The following CNBD1 variants were observed in gnomAD, a reference collection of about 807,000 sequenced individuals.
CNBD1 encodes cyclic nucleotide-binding domain-containing protein 1.
In CNBD1, 71 loss-of-function variants were observed where a neutral mutation model predicts 54.4. The ratio of observed to expected loss-of-function variants is 1.30; its 90% confidence interval spans 1.08 to 1.59. The LOEUF (loss-of-function observed/expected upper bound fraction) is 1.59, where lower values mean the gene tolerates loss of function less well. CNBD1 is among the 40% of genes most tolerant of loss of function. CNBD1 has a pLI of 0.00. For synonymous variants in CNBD1, 182 were observed against 170.7 expected, an observed-to-expected ratio of 1.07 and a Z score of -0.51; for missense variants, 659 against 518.0, an observed-to-expected ratio of 1.27 and a Z score of -2.64.
At chr8:86,998,294 A>G (rs1808922096) in intron 4 of CNBD1, among the ~76,000 whole-genome samples, 3 of 151,754 alleles carry the variant, frequency 2.0e-5, no homozygotes, top group Admixed American at 2.0e-4. Flanking sequence ...AATTAAGTTT[A>G]TGTAATGCAT....
At chr8:87,416,354 C>T (rs181051030) in intron 2 of CNBD1, among the ~76,000 whole-genome samples, 2 of 152,116 alleles carry the variant, frequency 1.3e-5, no homozygotes, top group African/African-American at 2.4e-5. Context: ...TGCAAATTAA[C>T]CAAGGCTTGC....
chr8:87,324,732 G>T (rs951737969), intron 8 of CNBD1, among the ~76,000 whole-genome samples: 7 of 150,210 alleles, frequency 4.7e-5, no homozygotes, highest in Non-Finnish European at 1.5e-5. Context: ...TATCAATTTT[G>T]TTGATCCTTT....
At chr8:87,363,576 G>A (rs544761672) in intron 10 of CNBD1, among the ~76,000 whole-genome samples, 65 of 152,074 alleles carry the variant, frequency 4.3e-4, no homozygotes, top group African/African-American at 1.5e-3. Flanking sequence ...ATCTCATTGT[G>A]GTTTTGATTT....
At chr8:87,371,627 A>C (rs1270793700) in intron 10 of CNBD1, among the ~76,000 whole-genome samples, 1 of 152,028 alleles carries the variant, frequency 6.6e-6, no homozygotes, top group Admixed American at 6.6e-5. Flanking sequence ...CACATCAAAA[A>C]GCTTATCCAC....
chr8:87,130,539 G>A (rs2130725776), intron 4 of CNBD1, among the ~76,000 whole-genome samples: 1 of 152,206 alleles, frequency 6.6e-6, no homozygotes, highest in East Asian at 1.9e-4. Flanking sequence ...CACTTTGGGA[G>A]GCCAAGATAG....
At chr8:87,145,754 A>G (rs547251059) in intron 4 of CNBD1, among the ~76,000 whole-genome samples, 4 of 152,240 alleles carry the variant, frequency 2.6e-5, no homozygotes, top group East Asian at 1.9e-4. Flanking sequence ...ACAGAACACT[A>G]TAGAGAAGGG....
chr8:87,372,778 T>G (rs1246086976), intron 10 of CNBD1, among the ~76,000 whole-genome samples: 1 of 151,830 alleles, frequency 6.6e-6, no homozygotes, highest in African/African-American at 2.4e-5. Context: ...ATATGGCAAA[T>G]TTTCACTAGA....
chr8:87,190,267 A>G (rs1225151678), intron 4 of CNBD1, among the ~76,000 whole-genome samples: 3 of 152,150 alleles, frequency 2.0e-5, no homozygotes, highest in African/African-American at 7.2e-5. Flanking sequence ...AGTTTTTTGG[A>G]TCCTTGAGGA....
intron 8 of CNBD1, among the ~76,000 whole-genome samples, chr8:87,349,957 G>A (rs1810250986): frequency 6.6e-6 from 1 of 151,990 alleles, no homozygotes; most frequent in Non-Finnish European, 1.5e-5. Flanking sequence ...ACCTACATAG[G>A]GTTTGACTTC....
intron 3 of CNBD1, among the ~76,000 whole-genome samples, chr8:86,930,389 A>T (rs1436192665): frequency 6.6e-6 from 1 of 152,112 alleles, no homozygotes; most frequent in Non-Finnish European, 1.5e-5. Flanking sequence ...CCGAACTGGG[A>T]GCCAAAAGTA....
intron 4 of CNBD1, among the ~76,000 whole-genome samples, chr8:86,963,197 C>T (rs2130474407): frequency 6.6e-6 from 1 of 152,268 alleles, no homozygotes; most frequent in Non-Finnish European, 1.5e-5. Context: ...AACCTTCACC[C>T]ATGAAGTTGG....
intron 8 of CNBD1, among the ~76,000 whole-genome samples, chr8:87,299,917 C>T (rs1808950843): frequency 6.6e-6 from 1 of 152,080 alleles, no homozygotes; most frequent in Non-Finnish European, 1.5e-5. Flanking sequence ...TTTCTCCTTC[C>T]ACATATAACA....
intron 8 of CNBD1, among the ~76,000 whole-genome samples, chr8:87,341,887 T>C (rs770263262): frequency 6.6e-6 from 1 of 151,842 alleles, no homozygotes; most frequent in Non-Finnish European, 1.5e-5. Context: ...TATTCTATTA[T>C]AGCAGTACGA....
At chr8:86,953,298 T>C (rs539298653) in intron 4 of CNBD1, among the ~76,000 whole-genome samples, 17 of 152,212 alleles carry the variant, frequency 1.1e-4, no homozygotes, top group Non-Finnish European at 2.4e-4. Flanking sequence ...CTGAAGCAAC[T>C]GCCAAACTGT....
intron 2 of CNBD1, among the ~76,000 whole-genome samples, chr8:87,406,305 AG>A (rs1807651595): frequency 6.6e-6 from 1 of 152,124 alleles, no homozygotes; most frequent in Non-Finnish European, 1.5e-5. Context: ...AATACCTAAT[AG>A]AAAAAAGCTA....
At chr8:86,886,086 C>T (rs992032641) in intron 1 of CNBD1, among the ~76,000 whole-genome samples, 2 of 152,054 alleles carry the variant, frequency 1.3e-5, no homozygotes, top group Admixed American at 1.3e-4. Flanking sequence ...TTTTCCAAAT[C>T]TCTGTGGCAC....
intron 10 of CNBD1, among the ~76,000 whole-genome samples, chr8:87,367,127 G>A (rs1392956968): frequency 1.2e-4 from 18 of 151,956 alleles, no homozygotes; most frequent in Non-Finnish European, 1.8e-4. Context: ...GAGATTATAT[G>A]TGGCCTACAT....
intron 4 of CNBD1, among the ~76,000 whole-genome samples, chr8:87,051,467 G>A (rs1049540208): frequency 6.6e-6 from 1 of 152,304 alleles, no homozygotes; most frequent in Non-Finnish European, 1.5e-5. Context: ...TGTGGAGTGG[G>A]AAATCAGGGG....
chr8:87,196,144 G>A (rs376460452), intron 4 of CNBD1, among the ~76,000 whole-genome samples: 1 of 152,204 alleles, frequency 6.6e-6, no homozygotes, highest in South Asian at 2.1e-4. Flanking sequence ...AGTAACTCTG[G>A]AAGACTAAGC....
Sources: allele counts gnomAD v4.1 joint callset (sites outside exome capture counted in the v4.1 genomes callset), GRCh38; gene constraint gnomAD v4.1.1; transcripts MANE v1.5; gene names NCBI Gene and HGNC (gene_info 2026-07-23, HGNC 2026-07-21).